The following PCDH7 variants were observed in gnomAD, a reference collection of about 807,000 sequenced individuals.
PCDH7 encodes protocadherin 7.
A neutral mutation model predicts 58.9 loss-of-function variants in PCDH7; 17 were observed. The observed-to-expected ratio is 0.29, with a 90% CI of 0.20 to 0.43. The LOEUF (loss-of-function observed/expected upper bound fraction) is 0.43. Ranked by LOEUF, PCDH7 falls within the 20% of genes least tolerant of loss-of-function variation. PCDH7 has a pLI of 1.00. For synonymous variants in PCDH7, 664 were observed against 616.4 expected (o/e 1.08, Z -1.14); for missense variants, 1,274 against 1,441.0 (o/e 0.88, Z 1.88).
At chr4:30,817,485 C>A (rs890900001) in intron 1 of PCDH7, among the ~76,000 whole-genome samples, 2 of 152,106 alleles carry the variant, frequency 1.3e-5, no homozygotes, top group African/African-American at 4.8e-5. Flanking sequence ...CTGCATATAT[C>A]TGTTCTAAAA....
At chr4:30,846,757 T>C (rs757383678) in intron 1 of PCDH7, among the ~76,000 whole-genome samples, 2 of 152,182 alleles carry the variant, frequency 1.3e-5, no homozygotes, top group Admixed American at 1.3e-4. Context: ...TTTATTGTTG[T>C]TCAAAATATT....
intron 3 of PCDH7, among the ~76,000 whole-genome samples, chr4:30,951,313 G>A (rs933110162): frequency 3.3e-5 from 5 of 152,046 alleles, no homozygotes; most frequent in Non-Finnish European, 5.9e-5. Context: ...TGAATGCATT[G>A]GAATACGGGA....
intron 1 of PCDH7, among the ~76,000 whole-genome samples, chr4:30,844,480 A>G (rs181535987): frequency 1.7e-4 from 26 of 152,216 alleles, no homozygotes; most frequent in Admixed American, 3.3e-4. Context: ...ACTTCCACAT[A>G]CTTCTGTTGC....
At chr4:30,960,329 C>T (rs190997973) in intron 3 of PCDH7, among the ~76,000 whole-genome samples, 11 of 151,988 alleles carry the variant, frequency 7.2e-5, no homozygotes, top group South Asian at 2.1e-4. Flanking sequence ...GGAATGAATT[C>T]GAAAATGAGA....
intron 3 of PCDH7, among the ~76,000 whole-genome samples, chr4:31,120,220 T>C (rs1352387273): frequency 2.0e-5 from 3 of 151,990 alleles, no homozygotes; most frequent in Non-Finnish European, 4.4e-5. Context: ...CCTTCCTGTT[T>C]TTTCTCCCAT....
At chr4:30,771,934 G>A (rs560141373) in intron 1 of PCDH7, among the ~76,000 whole-genome samples, 2 of 151,316 alleles carry the variant, frequency 1.3e-5, no homozygotes, top group African/African-American at 2.4e-5. Context: ...GCATTGGTGT[G>A]ATCTCGGCTC....
rs768659865 is a variant in PCDH7, at chr4:30,730,812, A to G, written c.*24A>G. 6 of 1,603,556 alleles carry G rather than the reference A, an allele frequency of 3.7e-6. No homozygotes were observed. The South Asian group carries it at 5.6e-5, about 15-fold the overall frequency. On this transcript the variant is annotated 3_prime_UTR_variant, in exon 2 of 2. Coordinates refer to ENST00000361762, the Ensembl canonical transcript of PCDH7. ...GAATTCCACTCTAATATGATGCTCC[A>G]TTATGCACCATACTGTGATGACCTT...
At chr4:30,725,340 T>G in intron 1 of PCDH7, 1 of 951,324 alleles carries the variant, frequency 1.1e-6, no homozygotes. Context: ...ATTTATTATT[T>G]AAGCCAAGTA....
At chr4:31,054,680 A>G (rs544916685) in intron 3 of PCDH7, among the ~76,000 whole-genome samples, 1 of 152,168 alleles carries the variant, frequency 6.6e-6, no homozygotes, top group Non-Finnish European at 1.5e-5. Context: ...ATACCATGAA[A>G]TCAACTAAAG....
chr4:31,038,261 A>G lies in PCDH7; in HGVS notation c.*7+88046A>G, dbSNP rs530932381. Among the ~76,000 whole-genome samples the G allele has an allele frequency of 1.9e-4, 29 of 152,352 alleles. No individual in the cohort carries two copies. The East Asian group carries it at 5.4e-3, about 28-fold the overall frequency. Reference sequence around the variant, plus strand: ...TATCAGTACCAAAGGAAGGTTGCACATGCTTTGTTTTTCTTAAATATTGTT... The same window carrying G: ...TATCAGTACCAAAGGAAGGTTGCACGTGCTTTGTTTTTCTTAAATATTGTT... On this transcript the variant is annotated intron_variant, in intron 3 of 3. Coordinates refer to the PCDH7 transcript ENST00000509759.
chr4:31,072,732 G>C (rs1406215163), intron 3 of PCDH7, among the ~76,000 whole-genome samples: 1 of 152,068 alleles, frequency 6.6e-6, no homozygotes. Context: ...TATAAGAATG[G>C]AATGATGGCT....
chr4:31,067,846 T>G (rs779389999), intron 3 of PCDH7, among the ~76,000 whole-genome samples: 16 of 151,966 alleles, frequency 1.1e-4, no homozygotes, highest in Non-Finnish European at 2.1e-4. Flanking sequence ...GTGAAGTTGC[T>G]GGAGATAAAT....
intron 1 of PCDH7, among the ~76,000 whole-genome samples, chr4:30,727,935 TA>T (rs1450673919): frequency 1.3e-5 from 2 of 151,882 alleles, no homozygotes; most frequent in Non-Finnish European, 3.0e-5. Context: ...CACTTACAAG[TA>T]AAAATTTTAT....
intron 3 of PCDH7, among the ~76,000 whole-genome samples, chr4:31,058,463 A>G (rs1190769883): frequency 6.6e-6 from 1 of 152,078 alleles, no homozygotes; most frequent in Non-Finnish European, 1.5e-5. Context: ...AATTTAACAG[A>G]CAAAGAGTAT....
chr4:30,880,347 T>C (rs1447169887), intron 1 of PCDH7, among the ~76,000 whole-genome samples: 6 of 151,952 alleles, frequency 3.9e-5, no homozygotes, highest in East Asian at 1.9e-4. Context: ...GGACTCCTTA[T>C]ATAAAGAGCT....
rs1181760085 is a variant in PCDH7, at chr4:30,901,324, A to AT, written c.71-18829_71-18828insT. Among the ~76,000 whole-genome samples the AT allele has an allele frequency of 2.0e-5, 3 of 152,272 alleles. No individual in the cohort carries two copies. In the East Asian group the frequency reaches 5.8e-4, roughly 29 times the overall value. Reference sequence around the variant, plus strand: ...AGAGAGAGGAATAAGTATATATACCAATCCTACTTAGTTTATAAATCATAT... The same window carrying AT: ...AGAGAGAGGAATAAGTATATATACCATATCCTACTTAGTTTATAAATCATAT... On this transcript the variant is annotated intron_variant, in intron 1 of 3. Coordinates refer to the PCDH7 transcript ENST00000509759.
At chr4:30,892,860 T>C (rs1350949104) in intron 1 of PCDH7, among the ~76,000 whole-genome samples, 2 of 152,098 alleles carry the variant, frequency 1.3e-5, no homozygotes, top group Non-Finnish European at 2.9e-5. Context: ...GGATTAGGGA[T>C]ACTCAACAGT....
At chr4:31,024,428 G>C (rs1578588370) in intron 3 of PCDH7, among the ~76,000 whole-genome samples, 2 of 152,046 alleles carry the variant, frequency 1.3e-5, no homozygotes, top group Non-Finnish European at 2.9e-5. Flanking sequence ...CTTAAAAATG[G>C]TAGCTATTAT....
intron 1 of PCDH7, among the ~76,000 whole-genome samples, chr4:30,842,910 T>C (rs1731397911): frequency 6.6e-6 from 1 of 152,154 alleles, no homozygotes; most frequent in Non-Finnish European, 1.5e-5. Flanking sequence ...TACTACTCTC[T>C]GATATTTGTC....
Sources: allele counts gnomAD v4.1 joint callset (sites outside exome capture counted in the v4.1 genomes callset), GRCh38; gene constraint gnomAD v4.1.1; transcripts MANE v1.5; gene names NCBI Gene and HGNC (gene_info 2026-07-23, HGNC 2026-07-21).